Variants in ATP13A5 observed in about 807,000 individuals in gnomAD.
The protein encoded by ATP13A5 is ATPase 13A5, also known as probable cation-transporting ATPase 13A5.
Under a neutral mutation model 150.2 loss-of-function variants are expected in ATP13A5, and 149 were observed. The ratio of observed to expected loss-of-function variants is 0.99; its 90% CI spans 0.87 to 1.14. The LOEUF (loss-of-function observed/expected upper bound fraction) is 1.14, where lower values mean the gene tolerates loss of function less well. Among genes scored for constraint, ATP13A5 ranks in the 50% most tolerant of loss-of-function variants. The probability of loss-of-function intolerance (pLI) is 0.00; values close to 1 mark genes in which losing one functional copy is unlikely to be tolerated. For synonymous variants in ATP13A5, 497 were observed against 522.2 expected (o/e 0.95, Z 0.66); for missense variants, 1,383 against 1,449.3 (o/e 0.95, Z 0.74).
At chr3:193,318,216 T>C (rs1719124557) in intron 17 of ATP13A5, among the ~76,000 whole-genome samples, 1 of 152,200 alleles carries the variant, frequency 6.6e-6, no homozygotes, top group African/African-American at 2.4e-5. Context: ...CAAATAATAA[T>C]GTTAAACCAA....
intron 9 of ATP13A5, among the ~76,000 whole-genome samples, chr3:193,340,791 GA>G (rs1354616929): frequency 1.3e-5 from 2 of 152,136 alleles, no homozygotes; most frequent in East Asian, 3.8e-4. Context: ...TATAACTGTT[GA>G]AAATTTGTGT....
intron 6 of ATP13A5, among the ~76,000 whole-genome samples, chr3:193,352,439 G>C (rs1388420185): frequency 6.6e-6 from 1 of 151,842 alleles, no homozygotes; most frequent in African/African-American, 2.4e-5. Context: ...AATTAATTCA[G>C]TTCTCTTATT....
chr3:193,342,658 G>C (rs34954758), intron 9 of ATP13A5, among the ~76,000 whole-genome samples: 1 of 152,144 alleles, frequency 6.6e-6, no homozygotes. Flanking sequence ...AACTCTCTGA[G>C]TTTTCCTGGG....
intron 10 of ATP13A5, among the ~76,000 whole-genome samples, 176 bp downstream of exon 10, chr3:193,334,753 A>C (rs141930249): frequency 4.5e-4 from 68 of 152,326 alleles, no homozygotes; most frequent in African/African-American, 1.6e-3. Flanking sequence ...GGGTTTTACC[A>C]ATAAACCATT....
chr3:193,276,954 T>C lies in ATP13A5; in HGVS notation c.3316-124A>G. ...GAGCTTAGTGGTGGGCATTACTTTG[T>C]CCCTTTACAGATAATACAACTGAAG... On this transcript the variant is annotated intron_variant, in intron 28 of 29. Coordinates refer to ENST00000342358, the MANE Select transcript of ATP13A5 (RefSeq NM_198505.4). 4 of 721,658 alleles carry C rather than the reference T, an allele frequency of 5.5e-6. No homozygotes were observed. In the South Asian group the frequency reaches 8.2e-5, roughly 15 times the overall value. 44.7% of individuals were successfully genotyped at this position (721,658 alleles called of 1,614,324 possible).
chr3:193,327,139 A>G, intron 12 of ATP13A5, 82 bp from the exon 13 acceptor site: 2 of 1,227,618 alleles, frequency 1.6e-6, no homozygotes, highest in Non-Finnish European at 2.3e-6. Context: ...CCAAGTTTCT[A>G]AGATATTATA....
intron 5 of ATP13A5, among the ~76,000 whole-genome samples, chr3:193,356,108 T>C (rs1380738720): frequency 2.0e-5 from 3 of 152,202 alleles, no homozygotes; most frequent in Non-Finnish European, 2.9e-5. Context: ...ATTCTTTCTC[T>C]GTTCAAGTAG....
intron 5 of ATP13A5, among the ~76,000 whole-genome samples, chr3:193,360,353 T>C (rs1041379990): frequency 1.3e-5 from 2 of 152,228 alleles, no homozygotes; most frequent in Non-Finnish European, 2.9e-5. Context: ...ATGTAAACTC[T>C]ATAGCTTTTC....
At chr3:193,357,537 T>C (rs1353426178) in intron 5 of ATP13A5, among the ~76,000 whole-genome samples, 1 of 152,180 alleles carries the variant, frequency 6.6e-6, no homozygotes, top group Non-Finnish European at 1.5e-5. Flanking sequence ...GACTAATGGC[T>C]GAGCAATGGG....
At chr3:193,373,674 C>T (rs4687415) in intron 1 of ATP13A5, among the ~76,000 whole-genome samples, 104,997 of 151,948 alleles carry the variant, frequency 0.69, 36,640 homozygotes, top group Non-Finnish European at 0.73. Context: ...TTCCATATCT[C>T]GCATGTGGCC....
chr3:193,362,331 T>A, intron 5 of ATP13A5, 50 bp downstream of exon 5: 1 of 1,508,694 alleles, frequency 6.6e-7, no homozygotes, highest in Non-Finnish European at 9.2e-7. Context: ...GATTTGATAC[T>A]TCATTTTCTG....
chr3:193,321,646 G>T (rs1401878106), intron 16 of ATP13A5, 35 bp downstream of exon 16: 1 of 1,608,148 alleles, frequency 6.2e-7, no homozygotes, highest in Non-Finnish European at 8.5e-7. Context: ...AAAAACAAAA[G>T]TATTTTACTT....
At chr3:193,311,326 T>C (rs1718840886) in intron 20 of ATP13A5, among the ~76,000 whole-genome samples, 1 of 152,162 alleles carries the variant, frequency 6.6e-6, no homozygotes, top group Non-Finnish European at 1.5e-5. Flanking sequence ...ACATTGACAG[T>C]GCAACCCTGC....
In ATP13A5 at chr3:193,331,286, A is replaced by G. The variant is rs1248411997; in HGVS notation, c.1298T>C (p.Met433Thr). 1.2e-6 allele frequency: 2 copies of G among 1,613,716 alleles called. No individual in the cohort carries two copies. Among genetic ancestry groups the G allele is most frequent in the African/African-American group, 2.7e-5 (2 of 75,024 alleles). The change falls in exon 12 of 30, where the codon ATG becomes ACG. Residue 433 changes from methionine (M) to threonine (T), a missense_variant. By Grantham distance (81) the Met-to-Thr change is moderately conservative. Around this residue, in one of 3 missense-constraint regions of ATP13A5, gnomAD observed 787 missense variants for 771.9 expected, o/e 1.02. Coordinates refer to ENST00000342358, the MANE Select transcript of ATP13A5 (RefSeq NM_198505.4). The stretch of plus-strand genomic sequence containing the variant: ...AGTCACGGTGAGGAGGATCAGGGCC[A>G]TGGTCACAGTATCTTTTGGAGGAAC... The part of the protein sequence containing the change: ...HGVPPKDTVT[M>T]ALILLTVTVP...
intron 25 of ATP13A5, among the ~76,000 whole-genome samples, chr3:193,298,710 G>A (rs943687607): frequency 1.3e-5 from 2 of 152,054 alleles, no homozygotes; most frequent in Non-Finnish European, 1.5e-5. Context: ...CTTGCTTTTG[G>A]AGAATTCTAC....
intron 27 of ATP13A5, among the ~76,000 whole-genome samples, chr3:193,280,360 T>TTAAA (rs1717431779): frequency 6.6e-6 from 1 of 152,074 alleles, no homozygotes; most frequent in South Asian, 2.1e-4. Context: ...CTCCAATTTT[T>TTAAA]CTTAAACCAG....
intron 17 of ATP13A5, 33 bp from the exon 18 acceptor site, chr3:193,315,129 A>G (rs928441553): frequency 1.2e-6 from 2 of 1,604,110 alleles, no homozygotes; most frequent in African/African-American, 2.7e-5. Flanking sequence ...ATATTAAAGT[A>G]TATCTACGTA....
chr3:193,377,587 A>G (rs905335586), intron 1 of ATP13A5, among the ~76,000 whole-genome samples: 2 of 152,198 alleles, frequency 1.3e-5, no homozygotes, highest in African/African-American at 4.8e-5. Flanking sequence ...TGGCTGCCTT[A>G]TTGAACAACA....
At chr3:193,302,726 T>C (rs1718449335) in intron 23 of ATP13A5, among the ~76,000 whole-genome samples, 1 of 152,204 alleles carries the variant, frequency 6.6e-6, no homozygotes, top group Admixed American at 6.5e-5. Context: ...GTAAATCATG[T>C]TTCAAAAGAC....
Sources: allele counts gnomAD v4.1 joint callset (sites outside exome capture counted in the v4.1 genomes callset), GRCh38; gene constraint gnomAD v4.1.1; regional missense constraint gnomAD v4.1.1; transcripts MANE v1.5; gene names NCBI Gene and HGNC (gene_info 2026-07-23, HGNC 2026-07-21).